The following IKZF4 variants were observed in gnomAD, a reference collection of about 807,000 sequenced individuals.
IKZF4 encodes the protein zinc finger protein Eos.
A neutral mutation model predicts 47.7 loss-of-function variants in IKZF4; 11 were observed. That is an observed-to-expected ratio of 0.23 (90% confidence interval 0.15 to 0.38). The LOEUF is 0.38. Among genes scored for constraint, IKZF4 ranks in the 10% least tolerant of loss-of-function variants. The probability of loss-of-function intolerance (pLI) is 1.00; values close to 1 mark genes in which losing one functional copy is unlikely to be tolerated. For missense variants in IKZF4, 557 were observed against 784.9 expected (o/e 0.71, Z 3.47); for synonymous variants, 298 against 299.4 (o/e 1.00, Z 0.05).
intron 5 of IKZF4, chr12:56,029,814 C>G (rs1894622878): frequency 6.6e-6 from 1 of 152,152 alleles, no homozygotes. Context: ...ATTCTTCAGC[C>G]TAGCTGGAAC....
intron 5 of IKZF4, among the ~76,000 whole-genome samples, chr12:56,028,345 G>A (rs1284627448): frequency 1.3e-5 from 2 of 150,290 alleles, no homozygotes; most frequent in African/African-American, 4.9e-5. Context: ...CCAAAATGGT[G>A]AAACCCTGTC....
Position 56,035,436 on chromosome 12 carries a change from ACTG to A in IKZF4, c.*106_*108del. The A allele has an allele frequency of 1.6e-6, 2 of 1,246,666 alleles. No individual in the cohort carries two copies. The highest frequency in any genetic ancestry group is 2.2e-6 in the Non-Finnish European group (2 of 890,822). The allele number at this position is 1,246,666 out of a possible 1,614,324, so 77.2% of individuals were successfully genotyped here. A position where few individuals can be genotyped will look rare whatever the true frequency, so the allele number is the denominator to read the frequency against. On this transcript the variant is annotated 3_prime_UTR_variant, in exon 8 of 8. Coordinates refer to ENST00000547167, the MANE Select transcript of IKZF4 (RefSeq NM_022465.4). This position sits in a 1 kb window ranked among gnomAD's most constrained non-coding sequence, Gnocchi z 6.1. ...GGAGTTTTGCTTTGTAGCCCTCACT[ACTG>A]GCCACCTGACCTCACACCTGACCCT...
At chr12:56,009,934 A>C (rs1891136198) in intron 1 of IKZF4, among the ~76,000 whole-genome samples, 1 of 152,116 alleles carries the variant, frequency 6.6e-6, no homozygotes, top group Non-Finnish European at 1.5e-5. Context: ...ACTTCCCAGC[A>C]TGGGAGAAAC....
chr12:56,026,488 G>A (rs887961720), intron 3 of IKZF4, among the ~76,000 whole-genome samples: 1 of 151,656 alleles, frequency 6.6e-6, no homozygotes, highest in African/African-American at 2.4e-5. Context: ...TTGGAAGTTC[G>A]AGACCATCCT....
At position 56,032,725 on chromosome 12, in the gene IKZF4, G is replaced by GTAC. The variant is rs755511508; in HGVS notation, c.865+20_865+22dup. The GTAC allele has an allele frequency of 1.1e-5, 17 of 1,613,814 alleles. No individual in the cohort carries two copies. The South Asian group carries it at 1.9e-4, about 18-fold the overall frequency. ...TGGCCAACCAGGTAGGGCTATTGAT[G>GTAC]TACTACTGGGGAGTTAAAAGGGGAT... On this transcript the variant is annotated intron_variant, in intron 6 of 7. Transcript: ENST00000547167.
At chr12:56,019,435 C>T (rs1291747657), upstream of IKZF4, 2 of 917,032 alleles carry the variant, frequency 2.2e-6, no homozygotes, top group Admixed American at 6.2e-5. Context: ...TGACTCTGAC[C>T]CCTTTCTTGT....
intron 6 of IKZF4, 121 bp from the exon 7 acceptor site, chr12:56,033,069 C>G (rs1895128037): frequency 1.7e-6 from 2 of 1,203,766 alleles, no homozygotes; most frequent in Admixed American, 4.8e-5. Context: ...AGCCCAGTTT[C>G]CCAGGCAACT....
Position 56,034,991 on chromosome 12 carries a change from T to C in IKZF4, c.1418T>C (p.Leu473Pro). 3 of 1,556,508 alleles carry C rather than the reference T, an allele frequency of 1.9e-6. No homozygotes were observed. Among genetic ancestry groups the C allele is most frequent in the Non-Finnish European group, 2.6e-6 (3 of 1,148,972 alleles). The change falls in exon 8 of 8, where the codon CTC becomes CCC. Residue 473 changes from leucine (L) to proline (P), a missense_variant. Transcript: ENST00000547167. ...GATCGGGTTGCGGGGGTGGTATCCC[T>C]CCCTCAGGGTCCCCCACCCCAGCCA... ...HEDRVAGVVS[L>P]PQGPPPQPPP... is the part of the protein sequence containing the mutation.
intron 1 of IKZF4, 163 bp downstream of exon 1, chr12:56,021,743 G>T (rs1893043186): frequency 9.3e-7 from 1 of 1,080,138 alleles, no homozygotes; most frequent in East Asian, 2.6e-5. Flanking sequence ...GCGGGGGAGG[G>T]GGCGTTCCTC....
intron 1 of IKZF4, among the ~76,000 whole-genome samples, chr12:56,022,669 T>G (rs185495307): frequency 2.6e-5 from 4 of 152,152 alleles, no homozygotes; most frequent in Admixed American, 1.3e-4. Context: ...GTTTTTCCCC[T>G]TACCTTAATC....
At chr12:56,016,530 T>C (rs1892091796), upstream of IKZF4, among the ~76,000 whole-genome samples, 1 of 151,282 alleles carries the variant, frequency 6.6e-6, no homozygotes, top group Non-Finnish European at 1.5e-5. Context: ...CAAGCGATTC[T>C]CCTGCCTCAG....
Position 56,037,575 on chromosome 12 carries a change from C to T in IKZF4, c.*2244C>T, listed in dbSNP as rs1255867500. 6.6e-6 allele frequency: 1 copy of T among 152,476 alleles called. No homozygotes were observed. Among genetic ancestry groups the T allele is most frequent in the Non-Finnish European group, 1.5e-5 (1 of 68,214 alleles). 9.4% of individuals were successfully genotyped at this position (152,476 alleles called of 1,614,324 possible). A position where few individuals can be genotyped will look rare whatever the true frequency, so the allele number is the denominator to read the frequency against. On this transcript the variant is annotated 3_prime_UTR_variant, in exon 8 of 8. Coordinates refer to ENST00000547167, the MANE Select transcript of IKZF4 (RefSeq NM_022465.4). The stretch of plus-strand genomic sequence containing the variant: ...GGGGTATCAGAGCCTTAGGGTGCCC[C>T]CATCCCCTTCCCCAGTCAACTGTGG...
chr12:56,027,143 CAGGG>C, intron 4 of IKZF4, 102 bp downstream of exon 4: 2 of 1,186,132 alleles, frequency 1.7e-6, no homozygotes, highest in Non-Finnish European at 2.2e-6. Context: ...GGAGGTCATG[CAGGG>C]AGTGGGTAGC....
chr12:56,033,940 C>T (rs1326519927), intron 7 of IKZF4, among the ~76,000 whole-genome samples: 1 of 152,030 alleles, frequency 6.6e-6, no homozygotes, highest in East Asian at 1.9e-4. Context: ...TGCTCTGTCG[C>T]CCAGGCTAGA....
Position 56,034,694 on chromosome 12 carries a change from C to T in IKZF4, c.1121C>T (p.Ala374Val). The stretch of plus-strand genomic sequence containing the variant: ...GAGCCTGGCTTTGGAAGTTCCCTGG[C>T]CTTTGTGGGTGCAGAGCATCTGCGT... ...SLEPGFGSSL[A>V]FVGAEHLRPL... Residue 374 changes from alanine to valine, a missense_variant, in exon 8 of 8, where the codon GCC becomes GTC. Physicochemically the swap from Ala to Val is moderately conservative, Grantham distance 64. Around this residue, in one of 6 missense-constraint regions of IKZF4, gnomAD observed 280 missense variants for 314.0 expected, o/e 0.89. Transcript: ENST00000547167. 1 of 1,614,020 alleles carries T rather than the reference C, an allele frequency of 6.2e-7. No homozygotes were observed. The highest frequency in any genetic ancestry group is 8.5e-7 in the Non-Finnish European group (1 of 1,179,878).
intron 3 of IKZF4, 48 bp downstream of exon 3, chr12:56,025,206 C>T: frequency 6.8e-7 from 1 of 1,481,068 alleles, no homozygotes; most frequent in Non-Finnish European, 8.9e-7. Context: ...CCCCCTGTTG[C>T]ATTTGGCCTT....
chr12:56,008,018 C>T (rs1333327644), intron 1 of IKZF4, among the ~76,000 whole-genome samples: 3 of 152,084 alleles, frequency 2.0e-5, no homozygotes, highest in Admixed American at 2.0e-4. Context: ...CAGGAGCTGC[C>T]AGGCGCGGGG....
rs1361338821 is a variant in IKZF4, at chr12:56,036,099, G to A, written c.*768G>A. The A allele has an allele frequency of 6.6e-6, 1 of 152,474 alleles. No homozygotes were observed. Among genetic ancestry groups the A allele is most frequent in the Non-Finnish European group, 1.5e-5 (1 of 68,034 alleles). The allele number at this position is 152,474 out of a possible 1,614,324, so 9.4% of individuals were successfully genotyped here. On this transcript the variant is annotated 3_prime_UTR_variant, in exon 8 of 8. Coordinates refer to ENST00000547167, the MANE Select transcript of IKZF4 (RefSeq NM_022465.4). ...TCTCCCTCTAGGATGTGATAGATCT[G>A]GTCCCTCTCCTTGAACTACCCCTCC...
At chr12:56,026,753 C>G in intron 3 of IKZF4, 28 bp from the exon 4 acceptor site, 4 of 1,472,622 alleles carry the variant, frequency 2.7e-6, no homozygotes, top group Non-Finnish European at 3.6e-6. Context: ...TTGCCTCTCT[C>G]TATTCTAAAC....
Sources: allele counts gnomAD v4.1 joint callset (sites outside exome capture counted in the v4.1 genomes callset), GRCh38; gene constraint gnomAD v4.1.1; regional missense constraint gnomAD v4.1.1; non-coding constraint Gnocchi (gnomAD v3.1); transcripts MANE v1.5; gene names NCBI Gene and HGNC (gene_info 2026-07-23, HGNC 2026-07-21).